The following ECHDC1 variants were observed in gnomAD, a reference collection of about 807,000 sequenced individuals.
ECHDC1 encodes ethylmalonyl-CoA decarboxylase 1, also known as ethylmalonyl-CoA decarboxylase.
Under a neutral mutation model 29.7 loss-of-function variants are expected in ECHDC1, and 29 were observed. That is an observed-to-expected ratio of 0.98 (90% CI 0.73 to 1.33). ECHDC1 has a LOEUF of 1.33. ECHDC1 is among the 40% of genes most tolerant of loss of function. ECHDC1 has a pLI of 0.00. For synonymous variants in ECHDC1, 126 were observed against 123.1 expected, an observed-to-expected ratio of 1.02 and a Z score of -0.15; for missense variants, 328 against 350.0, an observed-to-expected ratio of 0.94 and a Z score of 0.50.
At chr6:127,307,057 G>A (rs1781496500) in intron 5 of ECHDC1, among the ~76,000 whole-genome samples, 1 of 152,110 alleles carries the variant, frequency 6.6e-6, no homozygotes, top group Admixed American at 6.5e-5. Context: ...TAGACAATAT[G>A]CTCCTGAATG....
At position 127,339,931 on chromosome 6, in the gene ECHDC1, A is replaced by G. The variant is rs185865962; in HGVS notation, c.-3+3405T>C. 5.4e-3 allele frequency among the ~76,000 whole-genome samples: 819 copies of G among 152,306 alleles called. 10 individuals carry two copies. Among genetic ancestry groups the G allele is most frequent in the African/African-American group, 0.019 (772 of 41,564 alleles). On this transcript the variant is annotated intron_variant, in intron 1 of 5. Coordinates refer to ENST00000454859, the MANE Select transcript of ECHDC1 (RefSeq NM_001002030.2). ...TTCACTGGCCTCTGGTCAGCTTGCC[A>G]AAGAGCCACACCTTCTCCATCACTC...
intron 5 of ECHDC1, among the ~76,000 whole-genome samples, chr6:127,298,870 C>T (rs1780824538): frequency 6.6e-6 from 1 of 151,634 alleles, no homozygotes; most frequent in African/African-American, 2.4e-5. Flanking sequence ...CGGGTATTTA[C>T]TGTACTATAT....
At chr6:127,340,931 C>T (rs557134607) in intron 1 of ECHDC1, among the ~76,000 whole-genome samples, 6 of 152,168 alleles carry the variant, frequency 3.9e-5, no homozygotes, top group Non-Finnish European at 7.3e-5. Context: ...CATTACCCCT[C>T]TCTCCAACAT....
At chr6:127,313,704 C>T (rs1027474636) in intron 5 of ECHDC1, 2 of 376,626 alleles carry the variant, frequency 5.3e-6, no homozygotes, top group African/African-American at 4.2e-5. Context: ...AGGGTTAGCC[C>T]AGAGACTGAA....
chr6:127,314,897 C>G lies in ECHDC1; in HGVS notation c.417-1G>C, dbSNP rs1338946327. ...CAGCGCAACACTTATTAAAGGAAGT[C>G]TGTATATTGAAGAAAAAACTGATGT... On this transcript the variant is annotated splice_acceptor_variant, in intron 4 of 5. Coordinates refer to ENST00000454859, the MANE Select transcript of ECHDC1 (RefSeq NM_001002030.2). LOFTEE classifies it high-confidence loss of function. The G allele has an allele frequency of 1.2e-6, 2 of 1,610,928 alleles. No individual in the cohort carries two copies. The highest frequency in any genetic ancestry group is 1.7e-5 in the Admixed American group (1 of 59,800).
chr6:127,321,569 A>G (rs1193651776), intron 3 of ECHDC1, among the ~76,000 whole-genome samples: 1 of 152,222 alleles, frequency 6.6e-6, no homozygotes, highest in Admixed American at 6.5e-5. Flanking sequence ...TCCATACTTT[A>G]TATGTATTGT....
chr6:127,315,355 G>C, intron 4 of ECHDC1: 1 of 327,410 alleles, frequency 3.1e-6, no homozygotes, highest in Non-Finnish European at 6.0e-6. Context: ...ACAGAAGATA[G>C]GGCTCCAAAA....
chr6:127,294,064 G>T (rs1332821566), intron 5 of ECHDC1, among the ~76,000 whole-genome samples: 2 of 152,102 alleles, frequency 1.3e-5, no homozygotes, highest in Non-Finnish European at 2.9e-5. Flanking sequence ...TTAAAAAACA[G>T]GTAAGACAGT....
At chr6:127,315,224 G>T in intron 4 of ECHDC1, 1 of 471,496 alleles carries the variant, frequency 2.1e-6, no homozygotes, top group Non-Finnish European at 4.1e-6. Flanking sequence ...TACAGCTCCT[G>T]GAACTTCTCA....
rs1388291353 is a variant in ECHDC1 at position 127,314,887 on chromosome 6, T to C, written c.426A>G (p.Leu142=). Residue 142 remains leucine (L), a synonymous_variant, in exon 5 of 6, where the codon TTA becomes TTG. Coordinates refer to ENST00000454859, the MANE Select transcript of ECHDC1 (RefSeq NM_001002030.2). ...AACCTTGAACCAGCGCAACACTTAT[T>C]AAAGGAAGTCTGTATATTGAAGAAA... is the stretch of plus-strand genomic sequence containing the variant. ...NTLTRFMRLP[L]ISVALVQGWA... The C allele has an allele frequency of 6.2e-7, 1 of 1,611,696 alleles. No homozygotes were observed. Among genetic ancestry groups the C allele is most frequent in the South Asian group, 1.1e-5 (1 of 90,366 alleles).
chr6:127,328,866 A>T (rs544718507), intron 2 of ECHDC1, among the ~76,000 whole-genome samples: 144 of 152,090 alleles, frequency 9.5e-4, no homozygotes, highest in Non-Finnish European at 1.8e-3. Flanking sequence ...CTCTACTAAA[A>T]ATATAAAAAA....
chr6:127,304,211 C>T (rs890288594), intron 5 of ECHDC1, among the ~76,000 whole-genome samples: 2 of 152,118 alleles, frequency 1.3e-5, no homozygotes, highest in African/African-American at 2.4e-5. Context: ...AGAGAGATGT[C>T]ATTTGTTTGG....
Position 127,330,877 on chromosome 6 carries a change from A to C in ECHDC1, c.152T>G (p.Leu51Arg), listed in dbSNP as rs1562331492. The C allele has an allele frequency of 2.5e-6, 4 of 1,614,122 alleles. No homozygotes were observed. The highest frequency in any genetic ancestry group is 3.4e-6 in the Non-Finnish European group (4 of 1,180,010). ...LQQFPGGSIDLQKEDNGIGIL... is the reference protein window; with the variant it reads ...LQQFPGGSIDRQKEDNGIGIL... ...GCCAATGCCATTGTCTTCCTTCTGAAGGTCAATGGATCCACCAGGAAACTG... is the reference window on the plus strand; with the variant it reads ...GCCAATGCCATTGTCTTCCTTCTGACGGTCAATGGATCCACCAGGAAACTG... The change falls in exon 2 of 6, where the codon CTT becomes CGT. Residue 51 changes from leucine to arginine, a missense_variant. Physicochemically the swap from Leu to Arg is moderately radical, Grantham distance 102. Transcript: ENST00000454859.
intron 5 of ECHDC1, among the ~76,000 whole-genome samples, chr6:127,302,043 C>A (rs1437009014): frequency 2.6e-5 from 4 of 152,248 alleles, no homozygotes; most frequent in African/African-American, 9.6e-5. Context: ...GTAGGCAGTA[C>A]CCTCAGACAT....
intron 1 of ECHDC1, among the ~76,000 whole-genome samples, chr6:127,340,479 T>G (rs931794749): frequency 2.6e-5 from 4 of 152,156 alleles, no homozygotes; most frequent in Non-Finnish European, 5.9e-5. Flanking sequence ...CAGGGTTCCT[T>G]AGGAATGCTT....
chr6:127,314,831 G>A lies in ECHDC1; in HGVS notation c.482C>T (p.Thr161Ile), dbSNP rs143031566. 1.6e-4 allele frequency: 265 copies of A among 1,609,710 alleles called. No individual in the cohort carries two copies. The highest frequency in any genetic ancestry group is 2.2e-4 in the Non-Finnish European group (255 of 1,178,026). ...WALGGGAEFT[T>I]ACDFRLMTPE... ...TTCATCCTACCTGAAATCACATGCT[G>A]TAGTAAATTCTGCTCCTCCACCCAA... The change falls in exon 5 of 6, where the codon ACA becomes ATA. Residue 161 changes from threonine (T) to isoleucine (I), a missense_variant. Coordinates refer to ENST00000454859, the MANE Select transcript of ECHDC1 (RefSeq NM_001002030.2).
chr6:127,324,561 A>G (rs185659982), intron 3 of ECHDC1, among the ~76,000 whole-genome samples: 110 of 152,308 alleles, frequency 7.2e-4, no homozygotes, highest in African/African-American at 2.6e-3. Context: ...TAACACCTAG[A>G]TCTTAGTTTC....
Position 127,289,786 on chromosome 6 carries a change from G to C in ECHDC1, c.*83C>G. 2 of 1,323,520 alleles carry C rather than the reference G, an allele frequency of 1.5e-6. No individual in the cohort carries two copies. Among genetic ancestry groups the C allele is most frequent in the Non-Finnish European group, 2.1e-6 (2 of 974,216 alleles). The allele number at this position is 1,323,520 out of a possible 1,614,324, so 82.0% of individuals were successfully genotyped here. On this transcript the variant is annotated 3_prime_UTR_variant, in exon 6 of 6. Coordinates refer to ENST00000454859, the MANE Select transcript of ECHDC1 (RefSeq NM_001002030.2). Reference sequence around the variant, plus strand: ...TAATAGTAGCCTTCAAAGTAATTCTGATGTTCATATTTAATATCATTTAAC... The same window carrying C: ...TAATAGTAGCCTTCAAAGTAATTCTCATGTTCATATTTAATATCATTTAAC...
chr6:127,299,236 C>T (rs1297288925), intron 5 of ECHDC1, among the ~76,000 whole-genome samples: 1 of 151,928 alleles, frequency 6.6e-6, no homozygotes, highest in African/African-American at 2.4e-5. Flanking sequence ...AAAATAGCCT[C>T]AGGCAGGTCC....
Sources: gnomAD v4.1 joint callset for allele counts (sites outside exome capture counted in the v4.1 genomes callset) on GRCh38, gnomAD v4.1.1 for gene constraint, MANE v1.5 for transcripts, NCBI Gene and HGNC (gene_info 2026-07-23, HGNC 2026-07-21) for gene names.